The following HOXC5 variants were observed in gnomAD, a reference collection of about 807,000 sequenced individuals.
HOXC5 encodes homeobox C5, also known as homeobox protein Hox-C5.
In HOXC5, 19 loss-of-function variants were observed where a neutral mutation model predicts 20.1. The observed-to-expected ratio is 0.94, with a 90% CI of 0.66 to 1.38. The LOEUF (loss-of-function observed/expected upper bound fraction) is 1.38. Among genes scored for constraint, HOXC5 ranks in the 40% most tolerant of loss-of-function variants. HOXC5 has a pLI of 0.00. For missense variants in HOXC5, 330 were observed against 300.1 expected, an observed-to-expected ratio of 1.10 and a Z score of -0.74; for synonymous variants, 124 against 117.0, an observed-to-expected ratio of 1.06 and a Z score of -0.39.
upstream of HOXC5, chr12:54,029,998 C>G: frequency 6.8e-7 from 1 of 1,466,448 alleles, no homozygotes; most frequent in Non-Finnish European, 9.1e-7. Context: ...CTCCCTTTCT[C>G]CCTCGCTCCC....
At chr12:54,034,189 C>A in intron 1 of HOXC5, 89 bp from the exon 2 acceptor site, 1 of 1,265,768 alleles carries the variant, frequency 7.9e-7, no homozygotes, top group Non-Finnish European at 1.1e-6. Flanking sequence ...TCCCTCCGGC[C>A]GCGGGTGGGG....
Position 54,033,146 on chromosome 12 carries a change from A to C in HOXC5, c.24A>C (p.Ser8=), listed in dbSNP as rs1206187204. MSSYVAN[S]FYKQSPNIPA... Reference sequence around the variant, plus strand: ...CCATGAGCTCCTACGTAGCCAATTCATTCTATAAGCAGAGCCCCAATATCC... The same window carrying C: ...CCATGAGCTCCTACGTAGCCAATTCCTTCTATAAGCAGAGCCCCAATATCC... Residue 8 remains serine, a synonymous_variant, in exon 1 of 2, where the codon TCA becomes TCC. Coordinates refer to ENST00000312492, the MANE Select transcript of HOXC5 (RefSeq NM_018953.4). 2 of 1,610,802 alleles carry C rather than the reference A, an allele frequency of 1.2e-6. No individual in the cohort carries two copies. Among genetic ancestry groups the C allele is most frequent in the Non-Finnish European group, 1.7e-6 (2 of 1,177,262 alleles).
Position 54,033,947 on chromosome 12 carries a change from C to A in HOXC5, c.455-331C>A, listed in dbSNP as rs915371420. 4 of 482,852 alleles carry A rather than the reference C, an allele frequency of 8.3e-6. No individual in the cohort carries two copies. The Admixed American group carries it at 8.8e-5, about 11-fold the overall frequency. 29.9% of individuals were successfully genotyped at this position (482,852 alleles called of 1,614,324 possible). A position where few individuals can be genotyped will look rare whatever the true frequency, so the allele number is the denominator to read the frequency against. On this transcript the variant is annotated intron_variant, in intron 1 of 1. Transcript: ENST00000312492. Reference sequence around the variant, plus strand: ...CGCTTGCGGCTCCGGAGGATTCCAGCGACTCGGGAGGGGCGGGAGGGGGGT... The same window carrying A: ...CGCTTGCGGCTCCGGAGGATTCCAGAGACTCGGGAGGGGCGGGAGGGGGGT...
At chr12:54,027,973 A>C in the HOXC5 span, among the ~76,000 whole-genome samples, 1 of 152,158 alleles carries the variant, frequency 6.6e-6, no homozygotes, top group Non-Finnish European at 1.5e-5. Context: ...GTGTCAAAAC[A>C]GGATTTCCTG....
At chr12:54,032,157 C>G (rs1002527652), upstream of HOXC5, among the ~76,000 whole-genome samples, 3 of 152,112 alleles carry the variant, frequency 2.0e-5, no homozygotes, top group African/African-American at 7.2e-5. Context: ...TGTCCGTGTC[C>G]ACACACACAC....
upstream of HOXC5, chr12:54,032,992 T>C (rs1941044186): frequency 2.8e-6 from 2 of 705,370 alleles, no homozygotes; most frequent in Non-Finnish European, 4.7e-6. Flanking sequence ...GAAGAGCGCA[T>C]AGGATAAAGA....
chr12:54,034,145 C>T lies in HOXC5; in HGVS notation c.455-133C>T. 3.4e-6 allele frequency: 3 copies of T among 883,380 alleles called. No homozygotes were observed. The Admixed American group carries it at 5.6e-5, about 17-fold the overall frequency. 54.7% of individuals were successfully genotyped at this position (883,380 alleles called of 1,614,324 possible). On this transcript the variant is annotated intron_variant, in intron 1 of 1. Coordinates refer to ENST00000312492, the MANE Select transcript of HOXC5 (RefSeq NM_018953.4). ...CTGGGCTGGGCTGGCCCGCCTGCGG[C>T]CCGCGTGGCCTGTCTTGCGGCTCTC...
upstream of HOXC5, chr12:54,029,669 G>A (rs1592233434): frequency 6.2e-7 from 1 of 1,613,304 alleles, no homozygotes; most frequent in South Asian, 1.1e-5. Context: ...CGGCTACGGA[G>A]CGGACCGGAG....
chr12:54,028,352 T>C (rs1008193086), upstream of HOXC5: 12 of 633,060 alleles, frequency 1.9e-5, no homozygotes, highest in Admixed American at 6.2e-5. Flanking sequence ...GCGATTTTTT[T>C]CCCCCTTCCT....
chr12:54,031,001 G>A (rs377753939), upstream of HOXC5, among the ~76,000 whole-genome samples: 1 of 152,242 alleles, frequency 6.6e-6, no homozygotes, highest in East Asian at 1.9e-4. Context: ...GCACTGAGGG[G>A]CTGGGAGGCC....
chr12:54,029,224 C>A (rs1592232538), upstream of HOXC5, among the ~76,000 whole-genome samples: 1 of 151,982 alleles, frequency 6.6e-6, no homozygotes, highest in East Asian at 1.9e-4. Flanking sequence ...TGGAGTCAGT[C>A]TGAGGAGAAG....
chr12:54,023,817 C>T, the HOXC5 span, among the ~76,000 whole-genome samples: 2 of 152,156 alleles, frequency 1.3e-5, no homozygotes, highest in African/African-American at 4.8e-5. Context: ...GCTCAGACAG[C>T]TTCCCCCATC....
the HOXC5 span, chr12:54,022,441 C>T: frequency 2.6e-5 from 4 of 152,070 alleles, no homozygotes; most frequent in Admixed American, 6.6e-5. Context: ...TTGCTGCTAG[C>T]TATTAAATTT....
chr12:54,030,003 G>A, upstream of HOXC5: 10 of 1,455,570 alleles, frequency 6.9e-6, no homozygotes, highest in Non-Finnish European at 9.2e-6. Context: ...TTTCTCCCTC[G>A]CTCCCCACCA....
At chr12:54,034,035 C>A (rs1374192186) in intron 1 of HOXC5, 1 of 693,048 alleles carries the variant, frequency 1.4e-6, no homozygotes, top group Non-Finnish European at 2.7e-6. Flanking sequence ...CCCTCTTCCC[C>A]CCAACCCCCC....
intron 1 of HOXC5, chr12:54,033,978 G>A (rs1941096150): frequency 1.7e-6 from 1 of 574,142 alleles, no homozygotes; most frequent in Non-Finnish European, 3.3e-6. Context: ...GGGGTCCCCG[G>A]TGCTCGGATC....
upstream of HOXC5, chr12:54,028,408 C>G (rs1228511852): frequency 1.2e-5 from 14 of 1,214,990 alleles, no homozygotes; most frequent in Non-Finnish European, 1.6e-5. Context: ...CTGACTTTGT[C>G]ATTTTGTCTG....
chr12:54,026,962 G>GGT, the HOXC5 span, among the ~76,000 whole-genome samples: 4 of 83,280 alleles, frequency 4.8e-5, no homozygotes, highest in East Asian at 4.8e-4. Context: ...ACCCAAAAAT[G>GGT]GTGGGGGGGG....
chr12:54,033,636 G>A, intron 1 of HOXC5, 60 bp downstream of exon 1: 1 of 1,365,926 alleles, frequency 7.3e-7, no homozygotes, highest in Non-Finnish European at 9.7e-7. Flanking sequence ...AGGCCATGCG[G>A]GGCAAATAAA....
Sources: gnomAD v4.1 joint callset for allele counts (sites outside exome capture counted in the v4.1 genomes callset) on GRCh38, gnomAD v4.1.1 for gene constraint, MANE v1.5 for transcripts, NCBI Gene and HGNC (gene_info 2026-07-23, HGNC 2026-07-21) for gene names.